Variants in PKP1 observed in about 807,000 individuals in gnomAD.
The protein encoded by PKP1 is plakophilin-1.
PKP1 carries 27 observed loss-of-function variants against 76.4 expected under a neutral mutation model. That is an observed-to-expected ratio of 0.35 (90% confidence interval 0.26 to 0.49). The LOEUF is 0.49. Among genes scored for constraint, PKP1 ranks in the 20% least tolerant of loss-of-function variants. The probability of loss-of-function intolerance (pLI) is 0.99; values close to 1 mark genes in which losing one functional copy is unlikely to be tolerated. For missense variants in PKP1, 964 were observed against 955.2 expected (o/e 1.01, Z -0.12); for synonymous variants, 404 against 384.2 (o/e 1.05, Z -0.60).
chr1:201,320,208 C>T (rs967957073), intron 6 of PKP1, 59 bp from the exon 7 acceptor site: 2 of 1,089,538 alleles, frequency 1.8e-6, no homozygotes, highest in African/African-American at 1.6e-5. Flanking sequence ...CTTGTCCCCA[C>T]CTTCCCCGTT....
At chr1:201,298,650 G>C (rs2102159159) in intron 2 of PKP1, among the ~76,000 whole-genome samples, 1 of 152,342 alleles carries the variant, frequency 6.6e-6, no homozygotes, top group South Asian at 2.1e-4. Context: ...GCATGCCTAA[G>C]AGTGAGAACT....
At chr1:201,284,182 C>A (rs1655658033) in intron 1 of PKP1, among the ~76,000 whole-genome samples, 1 of 152,206 alleles carries the variant, frequency 6.6e-6, no homozygotes, top group Admixed American at 6.5e-5. Flanking sequence ...GGAGCATGTC[C>A]CAGCGTGCCA....
intron 1 of PKP1, among the ~76,000 whole-genome samples, chr1:201,287,271 T>C (rs1655768572): frequency 1.3e-5 from 2 of 152,206 alleles, no homozygotes; most frequent in African/African-American, 4.8e-5. Context: ...GTAGTTCCTG[T>C]GTCTATTCAG....
chr1:201,325,643 C>A, intron 11 of PKP1, 111 bp from the exon 12 acceptor site: 1 of 833,570 alleles, frequency 1.2e-6, no homozygotes, highest in Admixed American at 1.9e-5. Flanking sequence ...GAGGCCTCCT[C>A]TGAGGCCTCC....
chr1:201,297,595 T>C (rs1042745416), intron 2 of PKP1, among the ~76,000 whole-genome samples: 37 of 152,366 alleles, frequency 2.4e-4, no homozygotes, highest in African/African-American at 8.2e-4. Flanking sequence ...ACTAGATCTC[T>C]GACCTCGTAA....
intron 2 of PKP1, among the ~76,000 whole-genome samples, chr1:201,297,186 A>G (rs1214069314): frequency 6.6e-6 from 1 of 152,226 alleles, no homozygotes; most frequent in African/African-American, 2.4e-5. Flanking sequence ...TAAAACAAAG[A>G]TAGTGTGACA....
rs2102192051 is a variant in PKP1, at chr1:201,330,940, C to G, written c.*899C>G. ...CAGAGGTCTTGTAATCTACTTGTTG[C>G]AGGAGAAAGAAGGTAAAAAATGATT... On this transcript the variant is annotated 3_prime_UTR_variant, in exon 14 of 14. Coordinates refer to ENST00000367324, the MANE Select transcript of PKP1 (RefSeq NM_001005337.3). The G allele has an allele frequency of 6.6e-6, 1 of 152,358 alleles. No individual in the cohort carries two copies. 9.4% of individuals were successfully genotyped at this position (152,358 alleles called of 1,614,324 possible). A position where few individuals can be genotyped will look rare whatever the true frequency, so the allele number is the denominator to read the frequency against.
intron 3 of PKP1, 100 bp downstream of exon 3, chr1:201,313,660 GAGA>G: frequency 7.9e-6 from 10 of 1,267,762 alleles, no homozygotes; most frequent in Middle Eastern, 2.8e-4. Context: ...GATGACAGGA[GAGA>G]CATAGCTTCT....
At position 201,293,348 on chromosome 1, in the gene PKP1, C is replaced by T. The variant is rs778746293; in HGVS notation, c.203-594C>T. Reference sequence around the variant, plus strand: ...GTCATTTGTGGGTCTCCAAGCACTCCGAAAACATTAATTAATCCTCACTGG... The same window carrying T: ...GTCATTTGTGGGTCTCCAAGCACTCTGAAAACATTAATTAATCCTCACTGG... On this transcript the variant is annotated intron_variant, in intron 1 of 13. Transcript: ENST00000367324. 3.3e-5 allele frequency among the ~76,000 whole-genome samples: 5 copies of T among 152,138 alleles called. No individual in the cohort carries two copies. The East Asian group carries it at 5.8e-4, about 18-fold the overall frequency.
intron 2 of PKP1, among the ~76,000 whole-genome samples, chr1:201,303,858 T>A (rs1656301725): frequency 6.6e-6 from 1 of 152,132 alleles, no homozygotes; most frequent in Admixed American, 6.5e-5. Context: ...CTCAGGATAA[T>A]TTTCCCAAAG....
At chr1:201,303,319 G>A (rs61374661) in intron 2 of PKP1, among the ~76,000 whole-genome samples, 19,042 of 151,888 alleles carry the variant, frequency 0.13, 1,458 homozygotes, top group African/African-American at 0.21. Flanking sequence ...TTAGAGATGG[G>A]GTCTCACTAT....
intron 2 of PKP1, among the ~76,000 whole-genome samples, chr1:201,301,351 G>A (rs926575079): frequency 6.6e-6 from 1 of 150,638 alleles, no homozygotes; most frequent in African/African-American, 2.5e-5. Flanking sequence ...CTGCAGGAAG[G>A]AACTCCACTC....
Position 201,325,777 on chromosome 1 carries a change from C to A in PKP1, c.2045C>A (p.Ala682Asp). The A allele has an allele frequency of 6.2e-7, 1 of 1,614,078 alleles. No homozygotes were observed. The highest frequency in any genetic ancestry group is 8.5e-7 in the Non-Finnish European group (1 of 1,179,944). Reference sequence around the variant, plus strand: ...AGTGCCTCACCCAAGGCCGCAGAAGCTGCCCGGCTTCTCCTGTCTGACATG... The same window carrying A: ...AGTGCCTCACCCAAGGCCGCAGAAGATGCCCGGCTTCTCCTGTCTGACATG... ...RSSASPKAAEAARLLLSDMWS... is the reference protein window; with the variant it reads ...RSSASPKAAEDARLLLSDMWS... Residue 682 changes from alanine to aspartate, a missense_variant, in exon 12 of 14, where the codon GCT becomes GAT. Ala to Asp is a moderately radical substitution (Grantham distance 126). Transcript: ENST00000367324.
In PKP1 at chr1:201,323,020, A is replaced by G. The variant is rs762424230; in HGVS notation, c.1511A>G (p.Asn504Ser). Reference sequence around the variant, plus strand: ...CCGGCTCTTTATCCTCAGAACAACAACTATGACTGCCCCCTGCCTGAGGAA... The same window carrying G: ...CCGGCTCTTTATCCTCAGAACAACAGCTATGACTGCCCCCTGCCTGAGGAA... ...SNKSDKMMNN[N>S]YDCPLPEEET... The change falls in exon 9 of 14, where the codon AAC becomes AGC. Residue 504 changes from asparagine (N) to serine (S), a missense_variant. Coordinates refer to ENST00000367324, the MANE Select transcript of PKP1 (RefSeq NM_001005337.3). 5 of 1,613,936 alleles carry G rather than the reference A, an allele frequency of 3.1e-6. No homozygotes were observed. The highest frequency in any genetic ancestry group is 4.2e-6 in the Non-Finnish European group (5 of 1,179,958).
intron 2 of PKP1, among the ~76,000 whole-genome samples, chr1:201,294,864 G>A (rs1320493451): frequency 1.3e-5 from 2 of 152,172 alleles, no homozygotes; most frequent in African/African-American, 4.8e-5. Flanking sequence ...TAGATGCTCA[G>A]GATACAACCA....
intron 6 of PKP1, chr1:201,320,063 C>T: frequency 2.8e-6 from 2 of 713,354 alleles, no homozygotes; most frequent in Non-Finnish European, 5.0e-6. Flanking sequence ...ATCTTTTCCT[C>T]TCTTCATTCC....
chr1:201,319,899 G>C, intron 6 of PKP1: 1 of 1,613,356 alleles, frequency 6.2e-7, no homozygotes, highest in Non-Finnish European at 8.5e-7. Flanking sequence ...GGATGCAGCT[G>C]CGGAGGGACC....
chr1:201,321,549 GC>G (rs1243710083), intron 7 of PKP1, among the ~76,000 whole-genome samples: 1 of 152,008 alleles, frequency 6.6e-6, no homozygotes, highest in Non-Finnish European at 1.5e-5. Flanking sequence ...GAGGCATGGG[GC>G]TTCTTCTGGA....
chr1:201,286,984 T>C (rs1655760142), intron 1 of PKP1, among the ~76,000 whole-genome samples: 1 of 152,192 alleles, frequency 6.6e-6, no homozygotes, highest in Non-Finnish European at 1.5e-5. Context: ...CCACTGTGAA[T>C]ACAGATCACA....
Sources: allele counts gnomAD v4.1 joint callset (sites outside exome capture counted in the v4.1 genomes callset), GRCh38; gene constraint gnomAD v4.1.1; transcripts MANE v1.5; gene names NCBI Gene and HGNC (gene_info 2026-07-23, HGNC 2026-07-21).